PLEC: variants seen among roughly 807,000 people sequenced by gnomAD.
The protein encoded by PLEC is plectin, also known as hemidesmosomal protein 1.
A neutral mutation model predicts 392.8 loss-of-function variants in PLEC; 216 were observed. The observed-to-expected ratio is 0.55, with a 90% CI of 0.49 to 0.62. The LOEUF (loss-of-function observed/expected upper bound fraction) is 0.62. PLEC is among the 20% of genes least tolerant of loss of function. The pLI is 0.00. For missense variants in PLEC, 6,863 were observed against 6,563.4 expected, an observed-to-expected ratio of 1.05 and a Z score of -1.58; for synonymous variants, 3,621 against 2,980.6, an observed-to-expected ratio of 1.21 and a Z score of -7.00.
Position 143,920,757 on chromosome 8 carries a change from C to A in PLEC, c.9064G>T (p.Gly3022Cys). 1 of 1,605,706 alleles carries A rather than the reference C, an allele frequency of 6.2e-7. No individual in the cohort carries two copies. The highest frequency in any genetic ancestry group is 8.5e-7 in the Non-Finnish European group (1 of 1,179,914). The change falls in exon 32 of 32, where the codon GGT (glycine) becomes TGT (cysteine). Residue 3022 changes from glycine to cysteine, a missense_variant. Coordinates refer to ENST00000345136, the MANE Select transcript of PLEC (RefSeq NM_201384.3). ...CATACACCCGCGATGACGTTGGCAC[C>A]CCGGAGAGCCCGCCGCACAGTGTCC... ...EVDTVRRALR[G>C]ANVIAGVWLE... is the part of the protein sequence containing the mutation.
At position 143,924,648 on chromosome 8, in the gene PLEC, G is replaced by A. The variant is rs1286234284; in HGVS notation, c.5281C>T (p.Arg1761Trp). 20 of 1,537,162 alleles carry A rather than the reference G, an allele frequency of 1.3e-5. No homozygotes were observed. Among genetic ancestry groups the A allele is most frequent in the Non-Finnish European group, 1.6e-5 (18 of 1,147,744 alleles). Residue 1761 changes from arginine (R) to tryptophan (W), a missense_variant, in exon 31 of 32, where the codon CGG (arginine) becomes TGG (tryptophan). Transcript: ENST00000345136. The part of the protein sequence containing the change: ...QELEAELAKV[R>W]AEMEVLLASK... ...GCCAGCAGCACCTCCATCTCGGCCCGCACCTTGGCCAGCTCGGCTTCCAGC... is the reference window on the plus strand; with the variant it reads ...GCCAGCAGCACCTCCATCTCGGCCCACACCTTGGCCAGCTCGGCTTCCAGC...
chr8:143,953,448 C>CCCGCCG (rs1174485406), upstream of PLEC, among the ~76,000 whole-genome samples: 176 of 151,078 alleles, frequency 1.2e-3, 3 homozygotes, highest in Admixed American at 1.9e-3. Context: ...CTGTCCCCGC[C>CCCGCCG]CCGCCGCCGC....
chr8:143,937,923 G>A lies in PLEC; in HGVS notation c.264+228C>T. 6.3e-6 allele frequency: 4 copies of A among 633,570 alleles called. No homozygotes were observed. In the South Asian group the frequency reaches 6.9e-5, roughly 11 times the overall value. 39.2% of individuals were successfully genotyped at this position (633,570 alleles called of 1,614,324 possible). ...GGCGGCAAGGCCCAGAGCAGCCGAG[G>A]TCCGAGGGTTGCGGCCACTCCCAGG... is the stretch of plus-strand genomic sequence containing the variant. On this transcript the variant is annotated intron_variant, in intron 3 of 31. Transcript: ENST00000345136.
chr8:143,945,373 TG>T (rs1554731646), intron 1 of PLEC: 2 of 331,098 alleles, frequency 6.0e-6, no homozygotes, highest in Non-Finnish European at 1.2e-5. Flanking sequence ...CCCTGCTCTG[TG>T]GAAGGCCTGG....
chr8:143,923,830 C>T lies in PLEC; in HGVS notation c.6099G>A (p.Ala2033=), dbSNP rs375465011. Residue 2033 remains alanine, a synonymous_variant, in exon 31 of 32, where the codon GCG becomes GCA. Transcript: ENST00000345136. ...RLRERAEQES[A]RQLQLAQEAA... is the part of the protein sequence containing the mutation. The stretch of plus-strand genomic sequence containing the variant: ...CCTCCTGGGCCAGCTGCAGCTGCCG[C>T]GCCGACTCCTGCTCCGCTCGCTCCC... 606 of 1,586,390 alleles carry T rather than the reference C, an allele frequency of 3.8e-4. 1 individual carries two copies. The highest frequency in any genetic ancestry group is 4.7e-4 in the Non-Finnish European group (552 of 1,174,348).
rs1432216063 is a variant in PLEC at position 143,925,497 on chromosome 8, G to A, written c.4432C>T (p.Leu1478=). The change falls in exon 31 of 32, where the codon CTG becomes TTG. Residue 1478 remains leucine (L), a synonymous_variant. Coordinates refer to ENST00000345136, the MANE Select transcript of PLEC (RefSeq NM_201384.3). ...RGGAEGELQA[L]RARAEEAEAQ... ...TCAGCCTCCTCCGCCCGTGCACGCA[G>A]TGCCTGCAGCTCCCCCTCAGCCCCG... The A allele has an allele frequency of 5.0e-6, 8 of 1,595,908 alleles. No homozygotes were observed. The highest frequency in any genetic ancestry group is 2.7e-5 in the African/African-American group (2 of 74,830).
At chr8:143,959,798 C>T (rs563172420) in intron 1 of PLEC, among the ~76,000 whole-genome samples, 4 of 146,864 alleles carry the variant, frequency 2.7e-5, no homozygotes, top group South Asian at 2.2e-4. Context: ...AGATTGAGAC[C>T]ATCCTGGCTA....
chr8:143,944,859 G>A (rs908377591), intron 1 of PLEC: 4 of 518,128 alleles, frequency 7.7e-6, no homozygotes, highest in Non-Finnish European at 1.3e-5. Flanking sequence ...TATCCGAGGA[G>A]GGCGCGCAAG....
Position 143,938,364 on chromosome 8 carries a change from G to A in PLEC, c.175-124C>T, listed in dbSNP as rs1554725408. 7 of 1,535,762 alleles carry A rather than the reference G, an allele frequency of 4.6e-6. No individual in the cohort carries two copies. In the South Asian group the frequency reaches 8.4e-5, roughly 18 times the overall value. On this transcript the variant is annotated intron_variant, in intron 2 of 31. Transcript: ENST00000345136. The stretch of plus-strand genomic sequence containing the variant: ...GAGGCGGGGGCTGAGTCTCCCGGGA[G>A]CCCACGGAACACACCCTGCCCCACG...
At chr8:143,943,592 G>C (rs1830900488), upstream of PLEC, among the ~76,000 whole-genome samples, 1 of 152,170 alleles carries the variant, frequency 6.6e-6, no homozygotes, top group South Asian at 2.1e-4. Flanking sequence ...CCACTGCAGA[G>C]CCCGCCCCGC....
chr8:143,932,397 C>T lies in PLEC; in HGVS notation c.1977+3G>A, dbSNP rs1554716795. 1.9e-6 allele frequency: 3 copies of T among 1,612,724 alleles called. No homozygotes were observed. Among genetic ancestry groups the T allele is most frequent in the Non-Finnish European group, 2.5e-6 (3 of 1,179,948 alleles). On this transcript the variant is annotated splice_donor_region_variant and intron_variant, in intron 16 of 31. Coordinates refer to ENST00000345136, the MANE Select transcript of PLEC (RefSeq NM_201384.3). Reference sequence around the variant, plus strand: ...GGTTCAGGGCAGCTGGGCCACCGCTCACCGAGTAGCTCTCCTTCTTGGCGG... The same window carrying T: ...GGTTCAGGGCAGCTGGGCCACCGCTTACCGAGTAGCTCTCCTTCTTGGCGG...
Position 143,924,397 on chromosome 8 carries a change from C to T in PLEC, c.5532G>A (p.Glu1844=), listed in dbSNP as rs1554697099. ...CCGCCTCCGTCTTGAGCCGCGTGGCCTCGCCGATGGCGGCCAGCTTCTCCG... is the reference window on the plus strand; with the variant it reads ...CCGCCTCCGTCTTGAGCCGCGTGGCTTCGCCGATGGCGGCCAGCTTCTCCG... ...VLAEKLAAIG[E]ATRLKTEAEI... The change falls in exon 31 of 32, where the codon GAG becomes GAA. Residue 1844 remains glutamate (E), a synonymous_variant. Transcript: ENST00000345136. The T allele has an allele frequency of 6.3e-7, 1 of 1,594,894 alleles. No individual in the cohort carries two copies. The highest frequency in any genetic ancestry group is 1.7e-5 in the Admixed American group (1 of 59,832).
chr8:143,938,289 T>C, intron 2 of PLEC, 49 bp from the exon 3 acceptor site: 1 of 1,540,008 alleles, frequency 6.5e-7, no homozygotes, highest in Admixed American at 1.9e-5. Flanking sequence ...GAGCCACCAA[T>C]AGGCCCTGAG....
chr8:143,940,327 A>T (rs1375992778), upstream of PLEC, among the ~76,000 whole-genome samples: 8 of 152,078 alleles, frequency 5.3e-5, no homozygotes, highest in Non-Finnish European at 1.2e-4. Context: ...CTCATGGGGG[A>T]ATGGAGCATC....
At chr8:143,933,447 C>T (rs186717664) in intron 12 of PLEC, 96 bp from the exon 13 acceptor site, 1 of 1,418,706 alleles carries the variant, frequency 7.0e-7, no homozygotes, top group Admixed American at 1.7e-5. Flanking sequence ...GCTTCCTCAG[C>T]CTCAGTGGGC....
Position 143,935,210 on chromosome 8 carries a change from G to A in PLEC, c.706C>T (p.Leu236=). The A allele has an allele frequency of 6.2e-7, 1 of 1,612,726 alleles. No homozygotes were observed. The highest frequency in any genetic ancestry group is 1.3e-5 in the African/African-American group (1 of 75,046). The stretch of plus-strand genomic sequence containing the variant: ...CACGCAGACGTACCCTCAGGGTCCA[G>A]GAGCCGCGTCACTCCCAGGTCCCGC... ...AERDLGVTRL[L]DPEDVDVPQP... The change falls in exon 7 of 32, where the codon CTG becomes TTG. Residue 236 remains leucine, a synonymous_variant. Coordinates refer to ENST00000345136, the MANE Select transcript of PLEC (RefSeq NM_201384.3).
At position 143,927,256 on chromosome 8, in the gene PLEC, A is replaced by G. The variant is rs1554706884; in HGVS notation, c.3836T>C (p.Ile1279Thr). ...GTGCAGGCGGCTGGGCCTCACCTTGATGGCGTTGATGTACTGTTTCGCAAA... is the reference window on the plus strand; with the variant it reads ...GTGCAGGCGGCTGGGCCTCACCTTGGTGGCGTTGATGTACTGTTTCGCAAA... ...QRFAKQYINA[I>T]KDYELQLVTY... The change falls in exon 28 of 32, where the codon ATC becomes ACC. Residue 1279 changes from isoleucine (I) to threonine (T), a missense_variant. Ile to Thr is a moderately conservative substitution (Grantham distance 89). Coordinates refer to ENST00000345136, the MANE Select transcript of PLEC (RefSeq NM_201384.3). 11 of 1,613,018 alleles carry G rather than the reference A, an allele frequency of 6.8e-6. No homozygotes were observed. The highest frequency in any genetic ancestry group is 9.3e-6 in the Non-Finnish European group (11 of 1,179,770).
At position 143,923,896 on chromosome 8, in the gene PLEC, G is replaced by C; in HGVS notation, c.6033C>G (p.Val2011=). 6.3e-7 allele frequency: 1 copy of C among 1,594,632 alleles called. No homozygotes were observed. The highest frequency in any genetic ancestry group is 1.1e-5 in the South Asian group (1 of 90,722). ...CCTCCACCTTGGCTTTCAGCCGCTC[G>C]ACTTCCTCCAGCGCCGCCTTCCGCT... ...ARQRKAALEE[V]ERLKAKVEEA... Residue 2011 remains valine, a synonymous_variant, in exon 31 of 32, where the codon GTC becomes GTG. Transcript: ENST00000345136.
rs566711388 is a variant in PLEC, at chr8:143,939,566, G to A, written c.-105C>T. The A allele has an allele frequency of 1.6e-5, 25 of 1,527,244 alleles. No homozygotes were observed. Among genetic ancestry groups the A allele is most frequent in the African/African-American group, 2.7e-5 (2 of 72,842 alleles). 94.6% of individuals were successfully genotyped at this position (1,527,244 alleles called of 1,614,324 possible). On this transcript the variant is annotated 5_prime_UTR_variant, in exon 1 of 32. Coordinates refer to ENST00000345136, the MANE Select transcript of PLEC (RefSeq NM_201384.3). ...CTGAAGGCTGGCGGCCCCACGAGAC[G>A]CTCACTCGGCACAGGCTCAGCTCAG...
Sources: gnomAD v4.1 joint callset for allele counts (sites outside exome capture counted in the v4.1 genomes callset) on GRCh38, gnomAD v4.1.1 for gene constraint, MANE v1.5 for transcripts, NCBI Gene and HGNC (gene_info 2026-07-23, HGNC 2026-07-21) for gene names.